Variants in PTPN4 observed in about 807,000 individuals in gnomAD.
The protein encoded by PTPN4 is protein tyrosine phosphatase non-receptor type 4.
Under a neutral mutation model 135.5 loss-of-function variants are expected in PTPN4, and 49 were observed. The ratio of observed to expected loss-of-function variants is 0.36; its 90% confidence interval spans 0.29 to 0.46. The LOEUF (loss-of-function observed/expected upper bound fraction) is 0.46, where lower values mean the gene tolerates loss of function less well. PTPN4 is among the 20% of genes least tolerant of loss of function. The pLI is 1.00. For synonymous variants in PTPN4, 333 were observed against 369.9 expected (o/e 0.90, Z 1.14); for missense variants, 860 against 1,101.0 (o/e 0.78, Z 3.10).
intron 22 of PTPN4, among the ~76,000 whole-genome samples, chr2:119,959,317 C>T (rs138561799): frequency 3.6e-4 from 54 of 151,284 alleles, no homozygotes; most frequent in African/African-American, 1.3e-3. Flanking sequence ...ATGAAAAATA[C>T]GTGCAGTTTA....
chr2:119,945,701 T>C (rs766561086), intron 16 of PTPN4, among the ~76,000 whole-genome samples: 2 of 152,110 alleles, frequency 1.3e-5, no homozygotes, highest in Non-Finnish European at 2.9e-5. Flanking sequence ...ATGTGAAATA[T>C]CCAAAACAGT....
chr2:119,824,510 A>G (rs1317025844), intron 2 of PTPN4, among the ~76,000 whole-genome samples: 1 of 152,116 alleles, frequency 6.6e-6, no homozygotes, highest in Non-Finnish European at 1.5e-5. Context: ...ACTTTGTTCT[A>G]TCAATTATCG....
At chr2:119,862,232 G>A (rs1677771520) in intron 2 of PTPN4, among the ~76,000 whole-genome samples, 1 of 152,132 alleles carries the variant, frequency 6.6e-6, no homozygotes, top group African/African-American at 2.4e-5. Context: ...AGGTCAGGTT[G>A]TTTTCTAAAA....
intron 1 of PTPN4, among the ~76,000 whole-genome samples, chr2:119,761,180 A>T (rs927730660): frequency 6.6e-6 from 1 of 152,216 alleles, no homozygotes; most frequent in African/African-American, 2.4e-5. Context: ...GGCCCAGTTG[A>T]AACAGTACAG....
At chr2:119,778,208 A>G (rs745710760) in intron 1 of PTPN4, among the ~76,000 whole-genome samples, 1 of 152,180 alleles carries the variant, frequency 6.6e-6, no homozygotes, top group Non-Finnish European at 1.5e-5. Context: ...TCTCATAGGG[A>G]GGAGACCAAA....
intron 2 of PTPN4, among the ~76,000 whole-genome samples, chr2:119,844,137 T>C (rs1677432342): frequency 1.2e-5 from 1 of 84,430 alleles, no homozygotes. Context: ...ACGGGGCGGC[T>C]GGCCGGGCGG....
chr2:119,837,287 G>A (rs1249729134), intron 2 of PTPN4, among the ~76,000 whole-genome samples: 1 of 152,088 alleles, frequency 6.6e-6, no homozygotes, highest in African/African-American at 2.4e-5. Context: ...ACTCTTCGAG[G>A]CAATCTGTCT....
At chr2:119,951,926 C>G (rs1162063253) in intron 18 of PTPN4, 47 bp from the exon 19 acceptor site, 1 of 1,481,150 alleles carries the variant, frequency 6.8e-7, no homozygotes, top group Admixed American at 2.1e-5. Context: ...GCTCTACTTT[C>G]AGAAAGTTGC....
intron 15 of PTPN4, among the ~76,000 whole-genome samples, chr2:119,942,899 A>G (rs1041464029): frequency 6.6e-6 from 1 of 152,216 alleles, no homozygotes; most frequent in African/African-American, 2.4e-5. Context: ...GTTGAAAGTA[A>G]CATAAGAACT....
chr2:119,859,712 C>T (rs1280662545), intron 2 of PTPN4, among the ~76,000 whole-genome samples: 29 of 152,230 alleles, frequency 1.9e-4, no homozygotes. Context: ...TTCTGCTTAA[C>T]ACCACCCTAG....
intron 15 of PTPN4, among the ~76,000 whole-genome samples, chr2:119,941,602 C>A (rs1679062767): frequency 6.6e-6 from 1 of 152,148 alleles, no homozygotes; most frequent in Admixed American, 6.5e-5. Flanking sequence ...AGCCTGTCTG[C>A]CACTCTCTGA....
chr2:119,825,389 G>A (rs1378573127), intron 2 of PTPN4, among the ~76,000 whole-genome samples: 1 of 152,034 alleles, frequency 6.6e-6, no homozygotes, highest in Non-Finnish European at 1.5e-5. Flanking sequence ...TAACAATGTG[G>A]TGGGGCAGTT....
Position 119,920,094 on chromosome 2 carries a change from G to T in PTPN4, c.854G>T (p.Gly285Val), listed in dbSNP as rs1164028810. 1.2e-6 allele frequency: 2 copies of T among 1,607,376 alleles called. No individual in the cohort carries two copies. Among genetic ancestry groups the T allele is most frequent in the Non-Finnish European group, 8.5e-7 (1 of 1,177,788 alleles). The change falls in exon 12 of 27, where the codon GGA (glycine) becomes GTA (valine). Residue 285 changes from glycine to valine, a missense_variant. Transcript: ENST00000263708. ...CATGAATCTAGAGAAACATTATTGG[G>T]ATTTAATATGGTGAATTACAGAGCA... ...ELHESRETLLGFNMVNYRACK... is the reference protein window; with the variant it reads ...ELHESRETLLVFNMVNYRACK...
At chr2:119,855,079 T>G (rs1419904619) in intron 2 of PTPN4, among the ~76,000 whole-genome samples, 2 of 152,164 alleles carry the variant, frequency 1.3e-5, no homozygotes, top group Non-Finnish European at 2.9e-5. Context: ...AGTACTGATC[T>G]TTCAAGGAGA....
At position 119,804,371 on chromosome 2, in the gene PTPN4, C is replaced by T. The variant is rs549689030; in HGVS notation, c.-17-5466C>T. 6.6e-5 allele frequency among the ~76,000 whole-genome samples: 10 copies of T among 152,132 alleles called. No homozygotes were observed. In the East Asian group the frequency reaches 1.7e-3, roughly 26 times the overall value. On this transcript the variant is annotated intron_variant, in intron 1 of 26. Transcript: ENST00000263708. ...GGTATACATGTGCCATGTTTGTTTGCTGCACCCATTAACTCATCATTTACA... is the reference window on the plus strand; with the variant it reads ...GGTATACATGTGCCATGTTTGTTTGTTGCACCCATTAACTCATCATTTACA...
At chr2:119,848,318 C>G (rs574120277) in intron 2 of PTPN4, among the ~76,000 whole-genome samples, 4 of 151,926 alleles carry the variant, frequency 2.6e-5, no homozygotes, top group Non-Finnish European at 5.9e-5. Context: ...GGACTACAGG[C>G]GCCCACCACC....
chr2:119,969,007 G>A (rs986406511), intron 26 of PTPN4, among the ~76,000 whole-genome samples: 9 of 152,186 alleles, frequency 5.9e-5, no homozygotes, highest in Non-Finnish European at 1.2e-4. Context: ...ATGTGATCCA[G>A]TAAGTGCCTA....
intron 3 of PTPN4, among the ~76,000 whole-genome samples, chr2:119,866,841 CTT>C (rs1022180945): frequency 2.2e-4 from 33 of 152,118 alleles, no homozygotes; most frequent in Non-Finnish European, 3.5e-4. Context: ...CTATTTCTCT[CTT>C]ATCTATTCAT....
At chr2:119,888,636 T>G (rs1428354226) in intron 9 of PTPN4, among the ~76,000 whole-genome samples, 2 of 152,200 alleles carry the variant, frequency 1.3e-5, no homozygotes, top group Admixed American at 1.3e-4. Flanking sequence ...TTTATTGATT[T>G]GTGTGTGTTG....
Sources: gnomAD v4.1 joint callset for allele counts (sites outside exome capture counted in the v4.1 genomes callset) on GRCh38, gnomAD v4.1.1 for gene constraint, MANE v1.5 for transcripts, NCBI Gene and HGNC (gene_info 2026-07-23, HGNC 2026-07-21) for gene names.